SSB: variants seen among roughly 807,000 people sequenced by gnomAD.
The protein encoded by SSB is lupus La protein.
SSB carries 17 observed loss-of-function variants against 52.9 expected under a neutral mutation model. That is an observed-to-expected ratio of 0.32 (90% CI 0.22 to 0.48). The LOEUF is 0.48. SSB is among the 20% of genes least tolerant of loss of function. The pLI, the probability that SSB is intolerant of heterozygous loss-of-function variation, is 0.99. For synonymous variants in SSB, 111 were observed against 152.1 expected (o/e 0.73, Z 1.99); for missense variants, 314 against 463.6 (o/e 0.68, Z 2.96).
intron 9 of SSB, 46 bp from the exon 10 acceptor site, chr2:169,810,812 G>A: frequency 6.5e-7 from 1 of 1,539,490 alleles, no homozygotes. Flanking sequence ...TTAATTGTGG[G>A]ACTAAAAACC....
chr2:169,810,645 CTG>C, intron 9 of SSB: 1 of 653,020 alleles, frequency 1.5e-6, no homozygotes, highest in Middle Eastern at 2.7e-4. Flanking sequence ...TATGTGATGT[CTG>C]ATAGTTTCTG....
At position 169,810,841 on chromosome 2, in the gene SSB, T is replaced by G. The variant is rs1451811310; in HGVS notation, c.811-17T>G. On this transcript the variant is annotated splice_polypyrimidine_tract_variant and intron_variant, in intron 9 of 11. Transcript: ENST00000260956. Reference sequence around the variant, plus strand: ...AAAAACCAAGGGTATGGCTTTTGTTTTCTGTCTCTGGTATAGGGGATAATT... The same window carrying G: ...AAAAACCAAGGGTATGGCTTTTGTTGTCTGTCTCTGGTATAGGGGATAATT... The G allele has an allele frequency of 3.2e-6, 5 of 1,573,564 alleles. No homozygotes were observed. The South Asian group carries it at 6.0e-5, about 19-fold the overall frequency.
intron 1 of SSB, among the ~76,000 whole-genome samples, chr2:169,800,278 C>T (rs1232725920): frequency 6.6e-6 from 1 of 152,112 alleles, no homozygotes; most frequent in Non-Finnish European, 1.5e-5. Flanking sequence ...CACCTGTAAT[C>T]CCAGCACTTT....
chr2:169,811,142 A>G (rs1488721980), intron 10 of SSB, 41 bp from the exon 11 acceptor site: 1 of 1,593,344 alleles, frequency 6.3e-7, no homozygotes, highest in Non-Finnish European at 8.5e-7. Context: ...CAAGAGACTT[A>G]AAAAAAGTTC....
At chr2:169,807,179 T>G in intron 6 of SSB, 108 bp downstream of exon 6, 1 of 806,530 alleles carries the variant, frequency 1.2e-6, no homozygotes. Context: ...TCTTAGTATC[T>G]TTAGATGACC....
intron 2 of SSB, among the ~76,000 whole-genome samples, chr2:169,804,659 C>T (rs1467250478): frequency 6.6e-6 from 1 of 151,972 alleles, no homozygotes; most frequent in Admixed American, 6.6e-5. Context: ...GATTCTTCTG[C>T]CCCAGCCCCC....
intron 4 of SSB, chr2:169,806,580 T>C: frequency 2.3e-6 from 1 of 435,160 alleles, no homozygotes; most frequent in East Asian, 3.7e-5. Flanking sequence ...CTGAATTATT[T>C]TGAAGCAAAT....
chr2:169,808,106 C>T (rs1435206920), intron 6 of SSB, among the ~76,000 whole-genome samples: 1 of 152,048 alleles, frequency 6.6e-6, no homozygotes, highest in Non-Finnish European at 1.5e-5. Flanking sequence ...TTCTGATACA[C>T]TTTTTTCCCT....
intron 4 of SSB, 63 bp downstream of exon 4, chr2:169,805,902 A>C: frequency 6.8e-7 from 1 of 1,460,800 alleles, no homozygotes; most frequent in South Asian, 1.2e-5. Flanking sequence ...GTACGGAAGA[A>C]TAAGGGCTCA....
Position 169,810,306 on chromosome 2 carries a change from A to T in SSB, c.693A>T (p.Gly231=). 6.2e-7 allele frequency: 1 copy of T among 1,605,708 alleles called. No homozygotes were observed. The highest frequency in any genetic ancestry group is 8.5e-7 in the Non-Finnish European group (1 of 1,177,940). Residue 231 remains glycine (G), a synonymous_variant, in exon 9 of 12, where the codon GGA becomes GGT. Coordinates refer to ENST00000260956, the MANE Select transcript of SSB (RefSeq NM_003142.5). ...AGAAATCTCTAGAAGAAAAGATTGG[A>T]TGCTTGCTGAAATTTTCGGGTGATT... The part of the protein sequence containing the change: ...AEMKSLEEKI[G]CLLKFSGDLD...
chr2:169,805,994 A>G, intron 4 of SSB, 155 bp downstream of exon 4: 1 of 842,994 alleles, frequency 1.2e-6, no homozygotes, highest in Non-Finnish European at 1.9e-6. Context: ...TTGTTTTGAG[A>G]CAGTCTCATC....
chr2:169,808,923 T>C (rs369954953), intron 8 of SSB, 21 bp downstream of exon 8: 108 of 1,579,036 alleles, frequency 6.8e-5, no homozygotes, highest in Non-Finnish European at 8.5e-5. Context: ...ATTACTGCTA[T>C]CTAGTACATC....
chr2:169,808,519 CAAAAT>C lies in SSB; in HGVS notation c.596_600del (p.Asn199SerfsTer4), dbSNP rs1689876781. ...TGCCAAAAAAAATGAAGAAAGAAAACAAAATAAAGTGGAAGCTAAATTAAGAGCTA... is the reference window on the plus strand; with the variant it reads ...TGCCAAAAAAAATGAAGAAAGAAAACAAAGTGGAAGCTAAATTAAGAGCTA... On this transcript the variant is annotated frameshift_variant, in exon 7 of 12. Transcript: ENST00000260956. LOFTEE classifies it high-confidence loss of function. 6.2e-7 allele frequency: 1 copy of C among 1,613,308 alleles called. No individual in the cohort carries two copies. The highest frequency in any genetic ancestry group is 8.5e-7 in the Non-Finnish European group (1 of 1,179,596).
intron 2 of SSB, among the ~76,000 whole-genome samples, chr2:169,803,426 T>C (rs1041437683): frequency 2.6e-5 from 4 of 152,220 alleles, no homozygotes; most frequent in South Asian, 4.1e-4. Flanking sequence ...ATTTTTGTAT[T>C]TTTAGTGGAG....
At chr2:169,810,190 T>A in intron 8 of SSB, 93 bp from the exon 9 acceptor site, 2 of 897,548 alleles carry the variant, frequency 2.2e-6, no homozygotes, top group Non-Finnish European at 3.1e-6. Context: ...TGGTTTCTAG[T>A]CTTTTTCTTG....
chr2:169,805,357 G>A (rs375500458), intron 2 of SSB, 117 bp from the exon 3 acceptor site: 2 of 691,474 alleles, frequency 2.9e-6, no homozygotes, highest in East Asian at 2.7e-5. Context: ...TGGGGAAAGT[G>A]TTTTGCCTTT....
At chr2:169,807,281 T>C (rs1689848638) in intron 6 of SSB, among the ~76,000 whole-genome samples, 1 of 151,676 alleles carries the variant, frequency 6.6e-6, no homozygotes, top group Non-Finnish European at 1.5e-5. Context: ...CTGTTAACAA[T>C]TTTTTTTTCT....
At chr2:169,808,727 G>T in intron 7 of SSB, 133 bp from the exon 8 acceptor site, 1 of 1,005,476 alleles carries the variant, frequency 9.9e-7, no homozygotes, top group Non-Finnish European at 1.5e-6. Flanking sequence ...TCTAGCATTG[G>T]ACGATCAAAA....
Position 169,805,486 on chromosome 2 carries a change from G to T in SSB, c.79G>T (p.Asp27Tyr). ...AATTATCTCACAGTATTATTTTGGC[G>T]ACTTCAATTTGCCACGGGACAAGTT... ...ICHQIEYYFG[D>Y]FNLPRDKFLK... is the part of the protein sequence containing the mutation. The change falls in exon 3 of 12, where the codon GAC (aspartate) becomes TAC (tyrosine). Residue 27 changes from aspartate to tyrosine, a missense_variant. Physicochemically the swap from Asp to Tyr is radical, Grantham distance 160. Coordinates refer to ENST00000260956, the MANE Select transcript of SSB (RefSeq NM_003142.5). 1 of 1,612,494 alleles carries T rather than the reference G, an allele frequency of 6.2e-7. No individual in the cohort carries two copies. Among genetic ancestry groups the T allele is most frequent in the South Asian group, 1.1e-5 (1 of 91,000 alleles).
Sources: allele counts gnomAD v4.1 joint callset (sites outside exome capture counted in the v4.1 genomes callset), GRCh38; gene constraint gnomAD v4.1.1; transcripts MANE v1.5; gene names NCBI Gene and HGNC (gene_info 2026-07-23, HGNC 2026-07-21).